The following SRGAP1 variants were observed in gnomAD, a reference collection of about 807,000 sequenced individuals.
The protein encoded by SRGAP1 is SLIT-ROBO Rho GTPase activating protein 1, also known as SLIT-ROBO Rho GTPase-activating protein 1.
A neutral mutation model predicts 121.9 loss-of-function variants in SRGAP1; 43 were observed. The ratio of observed to expected loss-of-function variants is 0.35; its 90% CI spans 0.28 to 0.46. The LOEUF is 0.46. Ranked by LOEUF, SRGAP1 falls within the 20% of genes least tolerant of loss-of-function variation. The pLI is 1.00. For missense variants in SRGAP1, 1,102 were observed against 1,350.9 expected (o/e 0.82, Z 2.89); for synonymous variants, 447 against 485.4 (o/e 0.92, Z 1.04).
intron 1 of SRGAP1, among the ~76,000 whole-genome samples, chr12:63,855,188 C>T (rs1231295715): frequency 6.6e-6 from 1 of 152,136 alleles, no homozygotes; most frequent in Non-Finnish European, 1.5e-5. Flanking sequence ...ATGAACTTGT[C>T]TACTCTTTGA....
At chr12:64,034,312 C>CG (rs1357097682) in intron 4 of SRGAP1, among the ~76,000 whole-genome samples, 1 of 152,120 alleles carries the variant, frequency 6.6e-6, no homozygotes, top group Non-Finnish European at 1.5e-5. Context: ...GACATGCCTG[C>CG]TTCCCCTTCA....
intron 1 of SRGAP1, among the ~76,000 whole-genome samples, chr12:63,854,803 A>G (rs1214265051): frequency 6.6e-6 from 1 of 152,146 alleles, no homozygotes; most frequent in African/African-American, 2.4e-5. Context: ...TTTTGCTATC[A>G]TGAATAGTAA....
chr12:64,123,592 G>A (rs2036637023), intron 18 of SRGAP1, among the ~76,000 whole-genome samples: 1 of 151,838 alleles, frequency 6.6e-6, no homozygotes. Flanking sequence ...TAATTTGGGG[G>A]AATACCAGAG....
chr12:64,053,742 A>G (rs2035283992), intron 6 of SRGAP1, among the ~76,000 whole-genome samples: 1 of 152,170 alleles, frequency 6.6e-6, no homozygotes, highest in Non-Finnish European at 1.5e-5. Context: ...AGTGATAATT[A>G]TTATCCCCAA....
intron 1 of SRGAP1, among the ~76,000 whole-genome samples, chr12:63,940,896 A>T (rs2031842093): frequency 6.6e-6 from 1 of 152,172 alleles, no homozygotes; most frequent in Non-Finnish European, 1.5e-5. Flanking sequence ...GCCTAAAAAC[A>T]ACTAGCCGCT....
At chr12:64,028,193 C>T (rs2034695629) in intron 4 of SRGAP1, among the ~76,000 whole-genome samples, 1 of 152,216 alleles carries the variant, frequency 6.6e-6, no homozygotes, top group Admixed American at 6.5e-5. Flanking sequence ...CACTGTGGCC[C>T]TGGTTAATAT....
chr12:64,067,030 A>T (rs575152840), intron 8 of SRGAP1, among the ~76,000 whole-genome samples: 9 of 116,412 alleles, frequency 7.7e-5, no homozygotes, highest in South Asian at 5.2e-4. Flanking sequence ...GTTTTTTTTT[A>T]AAAGAAAAAA....
chr12:64,032,643 C>A, intron 4 of SRGAP1: 1 of 335,172 alleles, frequency 3.0e-6, no homozygotes. Flanking sequence ...TTCTGGATGA[C>A]GTGATTTCCT....
intron 1 of SRGAP1, among the ~76,000 whole-genome samples, chr12:63,974,681 C>T (rs184182129): frequency 2.7e-4 from 41 of 152,116 alleles, no homozygotes; most frequent in African/African-American, 9.4e-4. Flanking sequence ...ATATTATGTT[C>T]GTTGTACTAT....
chr12:63,873,099 C>A (rs1435384804), intron 1 of SRGAP1, among the ~76,000 whole-genome samples: 1 of 152,088 alleles, frequency 6.6e-6, no homozygotes, highest in African/African-American at 2.4e-5. Flanking sequence ...ACAGGTAGTG[C>A]TAATAATAGC....
At chr12:64,025,152 TAA>T (rs11286618) in intron 4 of SRGAP1, among the ~76,000 whole-genome samples, 182 of 135,078 alleles carry the variant, frequency 1.3e-3, no homozygotes, top group Middle Eastern at 7.8e-3. Context: ...AACGTTTAAA[TAA>T]AAAAAAAAAA....
intron 3 of SRGAP1, among the ~76,000 whole-genome samples, chr12:64,011,915 A>T (rs2034262673): frequency 6.6e-6 from 1 of 152,032 alleles, no homozygotes; most frequent in South Asian, 2.1e-4. Flanking sequence ...CAGCCTGGGC[A>T]ACATGGCAAA....
intron 18 of SRGAP1, 169 bp downstream of exon 18, chr12:64,116,062 C>A: frequency 1.7e-6 from 1 of 583,896 alleles, no homozygotes; most frequent in Admixed American, 3.0e-5. Flanking sequence ...CAACACCAGC[C>A]TGTGCAACAT....
At chr12:63,978,489 C>CA (rs983388993) in intron 1 of SRGAP1, among the ~76,000 whole-genome samples, 1 of 152,168 alleles carries the variant, frequency 6.6e-6, no homozygotes, top group African/African-American at 2.4e-5. Flanking sequence ...TGGTTTCACT[C>CA]ACTAAAGTTA....
chr12:63,924,176 GAA>G (rs113588052), intron 1 of SRGAP1, among the ~76,000 whole-genome samples: 1 of 151,582 alleles, frequency 6.6e-6, no homozygotes, highest in Admixed American at 6.6e-5. Flanking sequence ...AAGAAAAAAA[GAA>G]AAAAAAGAGT....
At chr12:64,018,255 A>T (rs529793613) in intron 4 of SRGAP1, among the ~76,000 whole-genome samples, 1 of 151,942 alleles carries the variant, frequency 6.6e-6, no homozygotes, top group Non-Finnish European at 1.5e-5. Flanking sequence ...TGCCTGGCAA[A>T]TTTTTTTGTA....
chr12:63,954,156 A>G (rs896776303), intron 1 of SRGAP1, among the ~76,000 whole-genome samples: 2 of 152,178 alleles, frequency 1.3e-5, no homozygotes, highest in South Asian at 2.1e-4. Flanking sequence ...AAGTAGCTCC[A>G]TAGGAAACTT....
At chr12:64,053,013 A>G (rs1258961437) in intron 6 of SRGAP1, among the ~76,000 whole-genome samples, 1 of 152,190 alleles carries the variant, frequency 6.6e-6, no homozygotes, top group Non-Finnish European at 1.5e-5. Flanking sequence ...TTTATTTCAT[A>G]GGTAATTAAA....
intron 1 of SRGAP1, among the ~76,000 whole-genome samples, chr12:63,981,882 G>A (rs2033262311): frequency 6.6e-6 from 1 of 152,164 alleles, no homozygotes; most frequent in African/African-American, 2.4e-5. Flanking sequence ...GCCTGGCACA[G>A]TATAGGTGCC....
Sources: gnomAD v4.1 joint callset for allele counts (sites outside exome capture counted in the v4.1 genomes callset) on GRCh38, gnomAD v4.1.1 for gene constraint, MANE v1.5 for transcripts, NCBI Gene and HGNC (gene_info 2026-07-23, HGNC 2026-07-21) for gene names.